SLC25A48: variants seen among roughly 807,000 people sequenced by gnomAD.
SLC25A48 encodes the protein solute carrier family 25 member 48.
Under a neutral mutation model 32.2 loss-of-function variants are expected in SLC25A48, and 29 were observed. The ratio of observed to expected loss-of-function variants is 0.90; its 90% CI spans 0.67 to 1.23. SLC25A48 has a LOEUF of 1.23. SLC25A48 is among the 50% of genes most tolerant of loss of function. The probability of loss-of-function intolerance (pLI) is 0.00; values close to 1 mark genes in which losing one functional copy is unlikely to be tolerated. For missense variants in SLC25A48, 399 were observed against 422.7 expected (o/e 0.94, Z 0.49); for synonymous variants, 164 against 172.3 (o/e 0.95, Z 0.38).
In SLC25A48 at chr5:135,671,955, A is replaced by G. The variant is rs2188919; in HGVS notation, c.-521+36999A>G. On this transcript the variant is annotated intron_variant, in intron 3 of 10. Coordinates refer to the SLC25A48 transcript ENST00000646290. ...TATCCGGCATTTAAGAGAAGCCCCCAATCCCTGGCTTGGCCAATTTGTAGG... is the reference window on the plus strand; with the variant it reads ...TATCCGGCATTTAAGAGAAGCCCCCGATCCCTGGCTTGGCCAATTTGTAGG... Among the ~76,000 whole-genome samples, 5 of 150,452 alleles carry G rather than the reference A, an allele frequency of 3.3e-5. No homozygotes were observed. In the Admixed American group the frequency reaches 3.3e-4, roughly 10 times the overall value.
At chr5:135,631,568 G>A (rs1370012761) in intron 2 of SLC25A48, among the ~76,000 whole-genome samples, 4 of 152,200 alleles carry the variant, frequency 2.6e-5, no homozygotes, top group Non-Finnish European at 5.9e-5. Flanking sequence ...AAAGCTGAAA[G>A]CTCCAGGGTG....
At chr5:135,875,016 G>A (rs2126815506) in intron 6 of SLC25A48, 1 of 345,946 alleles carries the variant, frequency 2.9e-6, no homozygotes, top group South Asian at 1.1e-4. Context: ...ATGAAGGGCG[G>A]GGCATTTGTG....
At position 135,835,854 on chromosome 5, in the gene SLC25A48, T is replaced by C. The variant is rs560836084; in HGVS notation, c.46+961T>C. On this transcript the variant is annotated intron_variant, in intron 1 of 7. Transcript: ENST00000681962. The stretch of plus-strand genomic sequence containing the variant: ...CCCTCCTACCTAGCAGGAGACCACC[T>C]CTCTCCCGAGACCGGTGGCTGCAGG... 3.0e-4 allele frequency among the ~76,000 whole-genome samples: 45 copies of C among 152,118 alleles called. No individual in the cohort carries two copies. In the East Asian group the frequency reaches 8.2e-3, roughly 28 times the overall value.
At chr5:135,664,785 T>A (rs1255171128) in intron 3 of SLC25A48, among the ~76,000 whole-genome samples, 1 of 152,232 alleles carries the variant, frequency 6.6e-6, no homozygotes, top group Non-Finnish European at 1.5e-5. Context: ...TAGTATTACA[T>A]GGTGTATATA....
chr5:135,628,205 G>A (rs1321510477), intron 1 of SLC25A48, among the ~76,000 whole-genome samples: 1 of 152,196 alleles, frequency 6.6e-6, no homozygotes, highest in African/African-American at 2.4e-5. Flanking sequence ...TGGAGTCTAA[G>A]ACTCCAAATT....
chr5:135,650,779 C>T (rs780788608), intron 3 of SLC25A48, among the ~76,000 whole-genome samples: 8 of 151,976 alleles, frequency 5.3e-5, no homozygotes, highest in South Asian at 2.1e-4. Flanking sequence ...CATCTTTGTG[C>T]GTGTGTATGT....
chr5:135,810,003 C>G (rs781736218), intron 3 of SLC25A48, among the ~76,000 whole-genome samples: 1 of 152,084 alleles, frequency 6.6e-6, no homozygotes, highest in Non-Finnish European at 1.5e-5. Context: ...GTGCCCAGCT[C>G]GTTTTAAAAT....
chr5:135,826,734 G>T (rs1580929726), intron 4 of SLC25A48: 2 of 152,100 alleles, frequency 1.3e-5, no homozygotes, highest in South Asian at 4.2e-4. Context: ...GTTACATAGG[G>T]TGCCCGAGCT....
In SLC25A48 at chr5:135,703,938, C is replaced by T. The variant is rs542048493; in HGVS notation, c.-521+68982C>T. ...AGTCATGAGCACCCTCTTGGTTCTC[C>T]TTGCACAATGCCAGACTCAGTGTTT... On this transcript the variant is annotated intron_variant, in intron 3 of 10. Transcript: ENST00000646290. Among the ~76,000 whole-genome samples, 4 of 152,354 alleles carry T rather than the reference C, an allele frequency of 2.6e-5. No individual in the cohort carries two copies. The South Asian group carries it at 6.2e-4, about 24-fold the overall frequency.
chr5:135,808,572 G>A (rs867248679), intron 3 of SLC25A48, among the ~76,000 whole-genome samples: 5 of 151,964 alleles, frequency 3.3e-5, no homozygotes, highest in South Asian at 4.1e-4. Context: ...AGGCCCTCCT[G>A]TATGTGACAT....
intron 3 of SLC25A48, among the ~76,000 whole-genome samples, chr5:135,688,187 G>A (rs1490325461): frequency 6.6e-6 from 1 of 152,202 alleles, no homozygotes; most frequent in Non-Finnish European, 1.5e-5. Flanking sequence ...ATTCATCCAA[G>A]TCATAGCCTG....
Position 135,850,495 on chromosome 5 carries a change from G to T in SLC25A48, c.161G>T (p.Ser54Ile). ...SCIRVVYRRE[S>I]MFGFFKGMSF... is the part of the protein sequence containing the mutation. ...ATCCGCGTGGTGTACAGGAGGGAGA[G>T]TGTAAGTGCCCCTTGGGCGGGTGGA... Residue 54 changes from serine (S) to isoleucine (I), a missense_variant and splice_region_variant, in exon 3 of 8, where the codon AGT (serine) becomes ATT (isoleucine). Ser to Ile is a moderately radical substitution (Grantham distance 142). Transcript: ENST00000681962. 6.2e-7 allele frequency: 1 copy of T among 1,614,050 alleles called. No homozygotes were observed. Among genetic ancestry groups the T allele is most frequent in the Non-Finnish European group, 8.5e-7 (1 of 1,180,022 alleles).
At chr5:135,779,521 C>CACACGCACTCTAATA (rs1425596801) in intron 3 of SLC25A48, among the ~76,000 whole-genome samples, 16 of 120,552 alleles carry the variant, frequency 1.3e-4, no homozygotes, top group South Asian at 5.6e-4. Flanking sequence ...AGGGGGTGTA[C>CACACGCACTCTAATA]ATGCCCCCCT....
At chr5:135,743,245 T>C (rs1250261858) in intron 3 of SLC25A48, among the ~76,000 whole-genome samples, 1 of 150,042 alleles carries the variant, frequency 6.7e-6, no homozygotes, top group Non-Finnish European at 1.5e-5. Context: ...CTAATTTTTG[T>C]ATTTTCAGTA....
chr5:135,845,099 G>A (rs1240617375), intron 2 of SLC25A48, among the ~76,000 whole-genome samples: 1 of 152,222 alleles, frequency 6.6e-6, no homozygotes, highest in Admixed American at 6.5e-5. Flanking sequence ...TCAGGAAGCA[G>A]GAAGTCCAAA....
chr5:135,586,888 G>C (rs1243855894), intron 1 of SLC25A48, among the ~76,000 whole-genome samples: 1 of 152,148 alleles, frequency 6.6e-6, no homozygotes, highest in Non-Finnish European at 1.5e-5. Context: ...TTTCAAGCAG[G>C]GTTGTGTGAT....
chr5:135,874,813 A>G (rs1318927555), intron 6 of SLC25A48: 3 of 591,442 alleles, frequency 5.1e-6, no homozygotes, highest in Non-Finnish European at 6.1e-6. Flanking sequence ...AAGGTAATAC[A>G]CAGATTCATC....
intron 1 of SLC25A48, among the ~76,000 whole-genome samples, chr5:135,627,987 T>C (rs1258016854): frequency 2.0e-5 from 3 of 152,116 alleles, no homozygotes; most frequent in Non-Finnish European, 4.4e-5. Flanking sequence ...ACACTGAGAA[T>C]GCTGAGGCAT....
rs1580939830 is a variant in SLC25A48, at chr5:135,834,709, A to G, written c.-139A>G. 3.4e-6 allele frequency: 3 copies of G among 884,196 alleles called. No individual in the cohort carries two copies. The highest frequency in any genetic ancestry group is 3.3e-6 in the Non-Finnish European group (2 of 598,840). The allele number at this position is 884,196 out of a possible 1,614,324, so 54.8% of individuals were successfully genotyped here. On this transcript the variant is annotated 5_prime_UTR_variant, in exon 1 of 8. Coordinates refer to ENST00000681962, the MANE Select transcript of SLC25A48 (RefSeq NM_001349336.2). ...AGCCCGCGCAGCCGGTGACTGGGGG[A>G]CTGGGTTTGGAGTAGGACCTGCGGC...
Sources: gnomAD v4.1 joint callset for allele counts (sites outside exome capture counted in the v4.1 genomes callset) on GRCh38, gnomAD v4.1.1 for gene constraint, MANE v1.5 for transcripts, NCBI Gene and HGNC (gene_info 2026-07-23, HGNC 2026-07-21) for gene names.